ZNF608: variants seen among roughly 807,000 people sequenced by gnomAD.
The protein encoded by ZNF608 is renal carcinoma antigen NY-REN-36.
ZNF608 carries 12 observed loss-of-function variants against 109.0 expected under a neutral mutation model. That is an observed-to-expected ratio of 0.11 (90% CI 0.07 to 0.18). The LOEUF (loss-of-function observed/expected upper bound fraction) is 0.18, where lower values mean the gene tolerates loss of function less well. Ranked by LOEUF, ZNF608 falls within the 10% of genes least tolerant of loss-of-function variation. The pLI is 1.00. For synonymous variants in ZNF608, 732 were observed against 717.4 expected (o/e 1.02, Z -0.33); for missense variants, 1,707 against 1,879.3 (o/e 0.91, Z 1.70).
At chr5:124,681,215 G>A (rs1324118192) in intron 3 of ZNF608, among the ~76,000 whole-genome samples, 1 of 152,214 alleles carries the variant, frequency 6.6e-6, no homozygotes, top group African/African-American at 2.4e-5. Context: ...CACTTTGGGA[G>A]GCCAAGGCGG....
At position 124,648,033 on chromosome 5, in the gene ZNF608, G is replaced by T. The variant is rs571041088; in HGVS notation, c.2351C>A (p.Pro784Gln). ...GGGCTTTGGTTGAATGGGTTTTAAC[G>T]GAGGACTCTTTGGTGTAGCCTGAAC... is the stretch of plus-strand genomic sequence containing the variant. ...TVVQATPKSP[P>Q]LKPIQPKPTI... The change falls in exon 5 of 10, where the codon CCG becomes CAG. Residue 784 changes from proline (P) to glutamine (Q), a missense_variant. Physicochemically the swap from Pro to Gln is moderately conservative, Grantham distance 76. Coordinates refer to ENST00000513986, the MANE Select transcript of ZNF608 (RefSeq NM_020747.3). 9.4e-5 allele frequency: 151 copies of T among 1,614,158 alleles called. 2 individuals are homozygous for T. The South Asian group carries it at 1.7e-3, about 18-fold the overall frequency.
chr5:124,743,253 T>C (rs1749492464), intron 2 of ZNF608, among the ~76,000 whole-genome samples: 1 of 152,232 alleles, frequency 6.6e-6, no homozygotes, highest in African/African-American at 2.4e-5. Flanking sequence ...CTCAACCGTC[T>C]ACATCCCCTT....
At chr5:124,707,056 CTTCTT>C (rs1160273415) in intron 2 of ZNF608, among the ~76,000 whole-genome samples, 1 of 152,130 alleles carries the variant, frequency 6.6e-6, no homozygotes, top group African/African-American at 2.4e-5. Context: ...CTCCGTTCAC[CTTCTT>C]TCAAGGGCTT....
intron 2 of ZNF608, among the ~76,000 whole-genome samples, chr5:124,718,404 T>C (rs1388393423): frequency 6.6e-6 from 1 of 152,248 alleles, no homozygotes; most frequent in African/African-American, 2.4e-5. Context: ...TGCAGAATTG[T>C]ACGAACTCTT....
intron 2 of ZNF608, among the ~76,000 whole-genome samples, chr5:124,709,127 C>T (rs924207456): frequency 7.1e-6 from 1 of 139,956 alleles, no homozygotes; most frequent in Non-Finnish European, 1.5e-5. Context: ...GCCGAGACTG[C>T]ACCATTGCCC....
At chr5:124,721,604 G>A (rs1418102057) in intron 2 of ZNF608, among the ~76,000 whole-genome samples, 2 of 151,986 alleles carry the variant, frequency 1.3e-5, no homozygotes, top group Non-Finnish European at 2.9e-5. Flanking sequence ...AGCAACTAAG[G>A]CTCAGAGCCA....
intron 3 of ZNF608, among the ~76,000 whole-genome samples, chr5:124,691,521 T>C (rs904831676): frequency 2.6e-5 from 4 of 152,238 alleles, no homozygotes; most frequent in African/African-American, 9.6e-5. Flanking sequence ...CTTGAAGAGA[T>C]GTCTGTATTC....
intron 3 of ZNF608, among the ~76,000 whole-genome samples, chr5:124,656,747 T>TA (rs11384375): frequency 0.3 from 44,174 of 145,124 alleles, 7,316 homozygotes; most frequent in East Asian, 0.45. Context: ...AATCCTTTTT[T>TA]AAAAAAAAAA....
rs1244611003 is a variant in ZNF608, at chr5:124,639,314, T to G, written c.4451-100A>C. On this transcript the variant is annotated intron_variant, in intron 8 of 9. Coordinates refer to ENST00000513986, the MANE Select transcript of ZNF608 (RefSeq NM_020747.3). Reference sequence around the variant, plus strand: ...CCGCAGACCTAGTAGCAGCATGGTGTCCTCTCCTAAACACACACATGAACT... The same window carrying G: ...CCGCAGACCTAGTAGCAGCATGGTGGCCTCTCCTAAACACACACATGAACT... 6.4e-6 allele frequency: 6 copies of G among 943,746 alleles called. No individual in the cohort carries two copies. In the Admixed American group the frequency reaches 9.7e-5, roughly 15 times the overall value. The allele number at this position is 943,746 out of a possible 1,614,324, so 58.5% of individuals were successfully genotyped here. A position where few individuals can be genotyped will look rare whatever the true frequency, so the allele number is the denominator to read the frequency against.
Position 124,745,111 on chromosome 5 carries a change from C to T in ZNF608, c.-122G>A. ...AAAAAAATCTTCTAATCTTCCTCTT[C>T]TTTTTCCTGCCCCACGAATGTGTCC... On this transcript the variant is annotated 5_prime_UTR_variant, in exon 2 of 10. Coordinates refer to ENST00000513986, the MANE Select transcript of ZNF608 (RefSeq NM_020747.3). The T allele has an allele frequency of 1.4e-6, 2 of 1,448,774 alleles. No individual in the cohort carries two copies. The highest frequency in any genetic ancestry group is 1.8e-6 in the Non-Finnish European group (2 of 1,109,650). 89.7% of individuals were successfully genotyped at this position (1,448,774 alleles called of 1,614,324 possible).
At chr5:124,713,694 G>GA (rs141793686) in intron 2 of ZNF608, among the ~76,000 whole-genome samples, 2,046 of 152,228 alleles carry the variant, frequency 0.013, 45 homozygotes, top group African/African-American at 0.046. Flanking sequence ...GCCATTTACA[G>GA]AAAAAATTTG....
At chr5:124,707,548 G>T (rs953193203) in intron 2 of ZNF608, among the ~76,000 whole-genome samples, 2 of 152,164 alleles carry the variant, frequency 1.3e-5, no homozygotes, top group African/African-American at 4.8e-5. Context: ...GAATGCTGGG[G>T]CACGATTACT....
chr5:124,699,649 A>G (rs537553395), intron 3 of ZNF608, among the ~76,000 whole-genome samples: 7 of 152,330 alleles, frequency 4.6e-5, no homozygotes, highest in Admixed American at 1.3e-4. Context: ...CATATCGCAC[A>G]AGAGTATATT....
In ZNF608 at chr5:124,685,665, G is replaced by C. The variant is rs1752382808; in HGVS notation, c.1162+15349C>G. On this transcript the variant is annotated intron_variant, in intron 3 of 9. Coordinates refer to ENST00000513986, the MANE Select transcript of ZNF608 (RefSeq NM_020747.3). ...AGCAACTTATCAACAGACCCCAGGG[G>C]ATCTGACTTAGCTGCCAGCCTGATT... is the stretch of plus-strand genomic sequence containing the variant. 3.3e-5 allele frequency among the ~76,000 whole-genome samples: 5 copies of C among 151,984 alleles called. No homozygotes were observed. The South Asian group carries it at 1.0e-3, about 32-fold the overall frequency.
intron 3 of ZNF608, among the ~76,000 whole-genome samples, chr5:124,681,429 C>G (rs575358473): frequency 1.9e-4 from 29 of 152,066 alleles, no homozygotes; most frequent in Non-Finnish European, 2.4e-4. Context: ...TGCACTCCAG[C>G]CTGGGTGACA....
chr5:124,706,690 A>G (rs1397066908), intron 2 of ZNF608, among the ~76,000 whole-genome samples: 1 of 152,186 alleles, frequency 6.6e-6, no homozygotes, highest in Non-Finnish European at 1.5e-5. Flanking sequence ...AACCTATTAG[A>G]ACCCAAAAAA....
chr5:124,668,576 C>T (rs1057494350), intron 3 of ZNF608, among the ~76,000 whole-genome samples: 4 of 152,080 alleles, frequency 2.6e-5, no homozygotes, highest in Admixed American at 1.3e-4. Flanking sequence ...GGATCTCTAA[C>T]TTTCTTCTCT....
At position 124,708,857 on chromosome 5, in the gene ZNF608, C is replaced by A. The variant is rs955829522; in HGVS notation, c.907-7588G>T. ...CTTCCACCTCCAGCCAGAACCCCCA[C>A]CATGCCAAAATTCCAGAATGCCAAA... On this transcript the variant is annotated intron_variant, in intron 2 of 9. Coordinates refer to ENST00000513986, the MANE Select transcript of ZNF608 (RefSeq NM_020747.3). 2.2e-4 allele frequency: 97 copies of A among 436,004 alleles called. 2 individuals carry two copies. The highest frequency in any genetic ancestry group is 1.4e-3 in the South Asian group (84 of 62,098). The allele number at this position is 436,004 out of a possible 1,614,324, so 27.0% of individuals were successfully genotyped here.
chr5:124,715,466 A>G (rs1329266804), intron 2 of ZNF608, among the ~76,000 whole-genome samples: 2 of 152,250 alleles, frequency 1.3e-5, no homozygotes, highest in Non-Finnish European at 2.9e-5. Flanking sequence ...GCACTCCCTT[A>G]ACCATTAAAA....
Sources: allele counts gnomAD v4.1 joint callset (sites outside exome capture counted in the v4.1 genomes callset), GRCh38; gene constraint gnomAD v4.1.1; transcripts MANE v1.5; gene names NCBI Gene and HGNC (gene_info 2026-07-23, HGNC 2026-07-21).